HAUS4: variants seen among roughly 807,000 people sequenced by gnomAD.
HAUS4 encodes HAUS augmin like complex subunit 4.
Under a neutral mutation model 50.6 loss-of-function variants are expected in HAUS4, and 34 were observed. That is an observed-to-expected ratio of 0.67 (90% CI 0.51 to 0.90). The LOEUF is 0.90. Among genes scored for constraint, HAUS4 ranks in the 40% least tolerant of loss-of-function variants. HAUS4 has a pLI of 0.00. For synonymous variants in HAUS4, 149 were observed against 161.4 expected (o/e 0.92, Z 0.58); for missense variants, 370 against 428.7 (o/e 0.86, Z 1.21).
intron 2 of HAUS4, 44 bp downstream of exon 2, chr14:22,955,056 T>C: frequency 7.2e-7 from 1 of 1,389,372 alleles, no homozygotes; most frequent in Non-Finnish European, 1.0e-6. Context: ...GGATAAGACC[T>C]CTCTGGATAA....
chr14:22,949,395 G>A (rs2044708567), intron 6 of HAUS4, among the ~76,000 whole-genome samples: 1 of 151,656 alleles, frequency 6.6e-6, no homozygotes, highest in South Asian at 2.1e-4. Flanking sequence ...CAGGCGTGGT[G>A]GCGGGCACCT....
At chr14:22,952,781 G>T (rs1170732387) in intron 2 of HAUS4, 98 bp from the exon 3 acceptor site, 2 of 945,214 alleles carry the variant, frequency 2.1e-6, no homozygotes, top group East Asian at 5.4e-5. Context: ...AAAACCCCTA[G>T]GATTTTTATA....
intron 1 of HAUS4, chr14:22,955,401 CAT>C (rs925793874): frequency 1.8e-5 from 10 of 541,924 alleles, no homozygotes; most frequent in African/African-American, 9.5e-5. Flanking sequence ...TCTAAGCACA[CAT>C]GTGTTTCCAC....
Position 22,946,619 on chromosome 14 carries a change from T to G in HAUS4, c.998A>C (p.Glu333Ala). ...VLNSYEVLGEEFDRLVKEYTV... is the reference protein window; with the variant it reads ...VLNSYEVLGEAFDRLVKEYTV... Reference sequence around the variant, plus strand: ...GTACTCTTTCACCAGCCTGTCAAACTCCTCCCCAAGGACCTCATAGGAGTT... The same window carrying G: ...GTACTCTTTCACCAGCCTGTCAAACGCCTCCCCAAGGACCTCATAGGAGTT... Residue 333 changes from glutamate to alanine, a missense_variant, in exon 10 of 10, where the codon GAG becomes GCG. Transcript: ENST00000541587. The G allele has an allele frequency of 6.2e-7, 1 of 1,613,782 alleles. No homozygotes were observed. Among genetic ancestry groups the G allele is most frequent in the Non-Finnish European group, 8.5e-7 (1 of 1,179,910 alleles).
In HAUS4 at chr14:22,947,668, ATTGAGTC is replaced by A. The variant is rs759980348; in HGVS notation, c.765_771del (p.Lys255AsnfsTer4). The A allele has an allele frequency of 1.2e-6, 2 of 1,614,024 alleles. No individual in the cohort carries two copies. The highest frequency in any genetic ancestry group is 2.7e-5 in the African/African-American group (2 of 74,916). On this transcript the variant is annotated frameshift_variant, in exon 8 of 10. Coordinates refer to ENST00000541587, the MANE Select transcript of HAUS4 (RefSeq NM_001166269.2). LOFTEE classifies it high-confidence loss of function. ...TGGGCATTGATGCGGTCTAGCTCGGATTGAGTCTTCAGCCGGTGTTCTTGAAGAAGCC... is the reference window on the plus strand; with the variant it reads ...TGGGCATTGATGCGGTCTAGCTCGGATTCAGCCGGTGTTCTTGAAGAAGCC...
Position 22,947,214 on chromosome 14 carries a change from C to T in HAUS4, c.865G>A (p.Asp289Asn), listed in dbSNP as rs771325556. ...LRMEELKILS[D>N]TYTVEKVEVH... ...TCCACTTTCTCAACAGTGTAAGTGT[C>T]GGACAAAATCTTTAGCTCCTCCATC... The change falls in exon 9 of 10, where the codon GAC becomes AAC. Residue 289 changes from aspartate (D) to asparagine (N), a missense_variant. Physicochemically the swap from Asp to Asn is conservative, Grantham distance 23. Coordinates refer to ENST00000541587, the MANE Select transcript of HAUS4 (RefSeq NM_001166269.2). 1.7e-5 allele frequency: 27 copies of T among 1,608,284 alleles called. No homozygotes were observed. In the South Asian group the frequency reaches 2.5e-4, roughly 15 times the overall value.
chr14:22,955,053 A>T, intron 2 of HAUS4, 47 bp downstream of exon 2: 1 of 1,333,532 alleles, frequency 7.5e-7, no homozygotes, highest in South Asian at 1.2e-5. Flanking sequence ...CCTGGATAAG[A>T]CCTCTCTGGA....
At chr14:22,950,250 C>G (rs1283938966) in intron 6 of HAUS4, 64 bp downstream of exon 6, 3 of 817,326 alleles carry the variant, frequency 3.7e-6, no homozygotes, top group Non-Finnish European at 6.2e-6. Flanking sequence ...ATATATTATT[C>G]TCAAAAGAGC....
chr14:22,946,698 C>T lies in HAUS4; in HGVS notation c.919G>A (p.Glu307Lys), dbSNP rs772427258. The change falls in exon 10 of 10, where the codon GAG (glutamate) becomes AAG (lysine). Residue 307 changes from glutamate to lysine, a missense_variant. By Grantham distance (56) the Glu-to-Lys change is moderately conservative. Coordinates refer to ENST00000541587, the MANE Select transcript of HAUS4 (RefSeq NM_001166269.2). The stretch of plus-strand genomic sequence containing the variant: ...TGCTCCTGTAGGTGAATGGCTCCCT[C>T]CAAACGGTCCCTAAGAGCCCGGGCA... ...EVHRLIRDRL[E>K]GAIHLQEQDM... The T allele has an allele frequency of 2.1e-5, 34 of 1,610,378 alleles. No homozygotes were observed. The highest frequency in any genetic ancestry group is 2.8e-5 in the Non-Finnish European group (33 of 1,177,898).
intron 8 of HAUS4, 48 bp downstream of exon 8, chr14:22,947,553 G>A: frequency 6.2e-7 from 1 of 1,603,262 alleles, no homozygotes; most frequent in South Asian, 1.1e-5. Context: ...ATAGAGGGCT[G>A]ATAACGTGAG....
At chr14:22,947,570 T>C in intron 8 of HAUS4, 31 bp downstream of exon 8, 1 of 1,611,628 alleles carries the variant, frequency 6.2e-7, no homozygotes, top group Non-Finnish European at 8.5e-7. Context: ...TGAGACAGAA[T>C]CCCTTAAGAT....
Position 22,947,731 on chromosome 14 carries a change from C to A in HAUS4, c.709G>T (p.Val237Leu). Residue 237 changes from valine to leucine, a missense_variant and splice_region_variant, in exon 8 of 10, where the codon GTG (valine) becomes TTG (leucine). Physicochemically the swap from Val to Leu is conservative, Grantham distance 32 (BLOSUM62 1). Transcript: ENST00000541587. ...LEKKSAAYSQ[V>L]LLRCLTLLQR... ...AGCAAAGTGAGGCAGCGGAGAAGCA[C>A]CTGAGCCCAAGATGGAGGAAGAAGA... 1.2e-6 allele frequency: 2 copies of A among 1,613,984 alleles called. No individual in the cohort carries two copies. The highest frequency in any genetic ancestry group is 1.7e-6 in the Non-Finnish European group (2 of 1,180,022).
At position 22,951,570 on chromosome 14, in the gene HAUS4, G is replaced by A; in HGVS notation, c.450C>T (p.Leu150=). Residue 150 remains leucine, a synonymous_variant, in exon 5 of 10, where the codon CTC becomes CTT. Transcript: ENST00000541587. ...LGLEKADLLE[L]MPLSEDFVWM... is the part of the protein sequence containing the mutation. ...CCCCGCCAACCTCTGAGAGTGGCAT[G>A]AGTTCCAGAAGGTCCGCTTTCTCCA... 6.2e-7 allele frequency: 1 copy of A among 1,614,022 alleles called. No individual in the cohort carries two copies. The highest frequency in any genetic ancestry group is 1.1e-5 in the South Asian group (1 of 91,076).
chr14:22,953,722 G>A (rs188030830), intron 2 of HAUS4, among the ~76,000 whole-genome samples: 7 of 149,892 alleles, frequency 4.7e-5, no homozygotes, highest in Admixed American at 1.3e-4. Flanking sequence ...CCAGATTCAC[G>A]CCATTCTCCT....
chr14:22,952,781 G>A, intron 2 of HAUS4, 98 bp from the exon 3 acceptor site: 1 of 945,214 alleles, frequency 1.1e-6, no homozygotes, highest in East Asian at 2.7e-5. Flanking sequence ...AAAACCCCTA[G>A]GATTTTTATA....
intron 6 of HAUS4, chr14:22,948,285 T>TA (rs1255455960): frequency 7.6e-5 from 29 of 381,604 alleles, no homozygotes; most frequent in East Asian, 1.9e-4. Flanking sequence ...TCTGTCTCTA[T>TA]AAAAAAAATT....
intron 6 of HAUS4, 47 bp from the exon 7 acceptor site, chr14:22,948,060 A>G (rs755203965): frequency 1.3e-6 from 2 of 1,527,848 alleles, no homozygotes; most frequent in African/African-American, 1.4e-5. Context: ...AATCGCTACA[A>G]TCCCTGTAAA....
intron 2 of HAUS4, chr14:22,954,491 G>A: frequency 6.6e-6 from 1 of 152,250 alleles, no homozygotes; most frequent in South Asian, 2.1e-4. Context: ...ACACAGGTAG[G>A]AAGGACACCT....
intron 5 of HAUS4, 117 bp from the exon 6 acceptor site, chr14:22,950,527 A>G (rs2044733931): frequency 1.7e-6 from 1 of 598,220 alleles, no homozygotes. Flanking sequence ...ATCAAGAGAC[A>G]TCAGAGAGAC....
Sources: allele counts gnomAD v4.1 joint callset (sites outside exome capture counted in the v4.1 genomes callset), GRCh38; gene constraint gnomAD v4.1.1; transcripts MANE v1.5; gene names NCBI Gene and HGNC (gene_info 2026-07-23, HGNC 2026-07-21).